Variants in GPHN observed in about 807,000 individuals in gnomAD.
GPHN encodes the protein gephyrin.
GPHN carries 17 observed loss-of-function variants against 95.5 expected under a neutral mutation model. That is an observed-to-expected ratio of 0.18 (90% CI 0.12 to 0.27). The LOEUF is 0.27. Among genes scored for constraint, GPHN ranks in the 10% least tolerant of loss-of-function variants. The probability of loss-of-function intolerance (pLI) is 1.00; values close to 1 mark genes in which losing one functional copy is unlikely to be tolerated. For synonymous variants in GPHN, 320 were observed against 322.5 expected (o/e 0.99, Z 0.08); for missense variants, 660 against 978.1 (o/e 0.67, Z 4.34).
the GPHN span, among the ~76,000 whole-genome samples, chr14:67,389,380 G>A: frequency 6.6e-6 from 1 of 152,086 alleles, no homozygotes; most frequent in South Asian, 2.1e-4. Flanking sequence ...ACAGGAGAGG[G>A]GCATTCAGCC....
rs778997695 is a variant in GPHN at position 67,159,496 on chromosome 14, A to C, written c.1910+8A>C. On this transcript the variant is annotated splice_region_variant and intron_variant, in intron 19 of 22. Transcript: ENST00000478722. ...GGTTTTTATGAAACCAGGGTATGAA[A>C]ATCATCTTGTTATCTCATATATGGG... 6.4e-7 allele frequency: 1 copy of C among 1,552,030 alleles called. No individual in the cohort carries two copies. The highest frequency in any genetic ancestry group is 8.9e-7 in the Non-Finnish European group (1 of 1,123,468).
At chr14:66,873,831 T>G (rs7156852) in intron 4 of GPHN, among the ~76,000 whole-genome samples, 39,158 of 151,978 alleles carry the variant, frequency 0.26, 7,475 homozygotes, top group African/African-American at 0.51. Flanking sequence ...TGTGGGCGCA[T>G]ACTTAAACTT....
chr14:67,235,482 G>A, the GPHN span, among the ~76,000 whole-genome samples: 3 of 152,114 alleles, frequency 2.0e-5, no homozygotes, highest in Admixed American at 6.5e-5. Context: ...TTGGGAGGCC[G>A]AGGCGGGCGG....
At chr14:66,742,521 T>C (rs2072878033) in intron 2 of GPHN, among the ~76,000 whole-genome samples, 1 of 152,186 alleles carries the variant, frequency 6.6e-6, no homozygotes, top group African/African-American at 2.4e-5. Context: ...TTTTTTTCAC[T>C]GTTCAATATC....
At chr14:67,521,912 C>A in the GPHN span, among the ~76,000 whole-genome samples, 2 of 152,180 alleles carry the variant, frequency 1.3e-5, no homozygotes, top group African/African-American at 2.4e-5. Flanking sequence ...CACGGTGGCT[C>A]ATGTTTGTAA....
At chr14:66,968,719 A>G (rs1236608264) in intron 9 of GPHN, among the ~76,000 whole-genome samples, 2 of 152,248 alleles carry the variant, frequency 1.3e-5, no homozygotes, top group African/African-American at 4.8e-5. Context: ...CCTTACCTCT[A>G]CAACAGTGTT....
In GPHN at chr14:67,094,939, C is replaced by T. The variant is rs2077291256; in HGVS notation, c.1237+5864C>T. On this transcript the variant is annotated intron_variant, in intron 12 of 22. Coordinates refer to ENST00000478722, the MANE Select transcript of GPHN (RefSeq NM_020806.5). ...TAACATGCTGTACAAGTTTGTAACC[C>T]AAGAGCAATAGGCTATACCATGTAG... 2.0e-5 allele frequency among the ~76,000 whole-genome samples: 3 copies of T among 152,076 alleles called. No homozygotes were observed. The South Asian group carries it at 6.2e-4, about 31-fold the overall frequency.
At position 67,104,247 on chromosome 14, in the gene GPHN, C is replaced by T. The variant is rs147916425; in HGVS notation, c.1293+3336C>T. On this transcript the variant is annotated intron_variant, in intron 13 of 22. Transcript: ENST00000478722. ...TGATCATGGTAAATGATCTTTTTAA[C>T]GTGCTGCTGGATTCAGTTGCAAGTG... Among the ~76,000 whole-genome samples the T allele has an allele frequency of 3.0e-3, 455 of 152,266 alleles. 3 individuals are homozygous for T. The highest frequency in any genetic ancestry group is 0.01 in the African/African-American group (436 of 41,566).
At chr14:67,058,857 T>G in intron 11 of GPHN, 71 bp downstream of exon 11, 1 of 1,259,108 alleles carries the variant, frequency 7.9e-7, no homozygotes, top group South Asian at 1.2e-5. Context: ...GTAACATTAA[T>G]GCACAGTTTT....
At chr14:67,656,515 T>A in the GPHN span, 3 of 1,613,986 alleles carry the variant, frequency 1.9e-6, no homozygotes, top group South Asian at 2.2e-5. Flanking sequence ...GATGAGAACG[T>A]TCAATACTTT....
At chr14:67,135,844 G>T (rs1401279440) in intron 17 of GPHN, among the ~76,000 whole-genome samples, 1 of 151,824 alleles carries the variant, frequency 6.6e-6, no homozygotes, top group East Asian at 1.9e-4. Flanking sequence ...TCAGTCTCTT[G>T]CTCTGTCTTC....
intron 11 of GPHN, among the ~76,000 whole-genome samples, chr14:67,084,132 T>G (rs1228112150): frequency 6.6e-6 from 1 of 152,168 alleles, no homozygotes; most frequent in Non-Finnish European, 1.5e-5. Flanking sequence ...CAATACAATA[T>G]GAAAAGTGTG....
the GPHN span, among the ~76,000 whole-genome samples, chr14:67,698,480 T>C: frequency 0.97 from 147,697 of 152,234 alleles, 71,781 homozygotes; most frequent in East Asian, 1. Flanking sequence ...AGAGGGAAGC[T>C]TTGAGGAACC....
intron 9 of GPHN, among the ~76,000 whole-genome samples, chr14:67,009,002 T>G (rs993132273): frequency 6.6e-6 from 1 of 152,158 alleles, no homozygotes. Flanking sequence ...AACAGAAGAA[T>G]AATCTAAGAA....
chr14:66,603,654 T>G (rs2062370301), intron 1 of GPHN, among the ~76,000 whole-genome samples: 1 of 152,010 alleles, frequency 6.6e-6, no homozygotes, highest in African/African-American at 2.4e-5. Context: ...GAATGTACCT[T>G]GCAACTATAC....
intron 12 of GPHN, 51 bp from the exon 13 acceptor site, chr14:67,100,805 A>G (rs772666180): frequency 1.3e-5 from 15 of 1,172,190 alleles, no homozygotes; most frequent in Non-Finnish European, 1.8e-5. Flanking sequence ...TTCTTGTTCC[A>G]TGCTGTAGGT....
chr14:66,553,280 C>T (rs1350098562), intron 1 of GPHN, among the ~76,000 whole-genome samples: 3 of 152,124 alleles, frequency 2.0e-5, no homozygotes, highest in Non-Finnish European at 2.9e-5. Flanking sequence ...CATGAGCTAC[C>T]GCACCTGGCC....
the GPHN span, chr14:67,533,417 C>A: frequency 4.0e-5 from 6 of 151,786 alleles, no homozygotes; most frequent in African/African-American, 1.4e-4. Flanking sequence ...CCCGCGCTCC[C>A]GCCGCTGTGG....
chr14:66,849,139 T>G (rs2062468346), intron 4 of GPHN, among the ~76,000 whole-genome samples: 1 of 151,958 alleles, frequency 6.6e-6, no homozygotes, highest in Admixed American at 6.6e-5. Context: ...CAAAAGATGA[T>G]AGAACTAGAA....
Sources: gnomAD v4.1 joint callset for allele counts (sites outside exome capture counted in the v4.1 genomes callset) on GRCh38, gnomAD v4.1.1 for gene constraint, MANE v1.5 for transcripts, NCBI Gene and HGNC (gene_info 2026-07-23, HGNC 2026-07-21) for gene names.